PPFIA4: variants seen among roughly 807,000 people sequenced by gnomAD.
PPFIA4 encodes PPFI scaffold protein A4, also known as liprin-alpha-4.
In PPFIA4, 98 loss-of-function variants were observed where a neutral mutation model predicts 145.7. That is an observed-to-expected ratio of 0.67 (90% confidence interval 0.57 to 0.80). The LOEUF (loss-of-function observed/expected upper bound fraction) is 0.80, where lower values mean the gene tolerates loss of function less well. Ranked by LOEUF, PPFIA4 falls within the 30% of genes least tolerant of loss-of-function variation. The pLI is 0.00. For synonymous variants in PPFIA4, 628 were observed against 649.6 expected, an observed-to-expected ratio of 0.97 and a Z score of 0.51; for missense variants, 1,457 against 1,632.7, an observed-to-expected ratio of 0.89 and a Z score of 1.85.
At chr1:203,035,258 G>C in intron 1 of PPFIA4, 2 of 456,616 alleles carry the variant, frequency 4.4e-6, no homozygotes, top group Non-Finnish European at 8.8e-6. Flanking sequence ...CCCGGGCTGT[G>C]GTCTCCGCAG....
intron 12 of PPFIA4, 127 bp from the exon 13 acceptor site, chr1:203,049,549 C>A: frequency 1.2e-6 from 1 of 821,896 alleles, no homozygotes; most frequent in Non-Finnish European, 1.8e-6. Context: ...TGGCTTTGGA[C>A]TTTGCAGTAC....
chr1:203,061,785 C>A, intron 24 of PPFIA4, 107 bp downstream of exon 24: 6 of 1,217,608 alleles, frequency 4.9e-6, no homozygotes, highest in South Asian at 1.5e-5. Context: ...ATATGAAAAG[C>A]CCTGGACATA....
At chr1:203,031,267 A>T (rs1190445150) in intron 1 of PPFIA4, among the ~76,000 whole-genome samples, 1 of 152,226 alleles carries the variant, frequency 6.6e-6, no homozygotes, top group African/African-American at 2.4e-5. Context: ...CATGTTGCCC[A>T]GGCTGGTTTC....
At chr1:203,073,191 T>A (rs1426743470) in intron 28 of PPFIA4, among the ~76,000 whole-genome samples, 1 of 152,102 alleles carries the variant, frequency 6.6e-6, no homozygotes, top group Non-Finnish European at 1.5e-5. Context: ...ATGAGATAGG[T>A]TATGATGCCC....
intron 23 of PPFIA4, 165 bp from the exon 24 acceptor site, chr1:203,061,487 C>A: frequency 1.5e-6 from 1 of 666,054 alleles, no homozygotes; most frequent in Non-Finnish European, 2.5e-6. Context: ...CATGGGTGCA[C>A]ACACCAACCT....
In PPFIA4 at chr1:203,056,844, C is replaced by T. The variant is rs934494881; in HGVS notation, c.2301C>T (p.His767=). ...SSSNSSQDSL[H]KGAKRKGIKS... Reference sequence around the variant, plus strand: ...GCAACAGCAGCCAGGACTCCCTGCACAAGGGCGCCAAGCGCAAGGGCATCA... The same window carrying T: ...GCAACAGCAGCCAGGACTCCCTGCATAAGGGCGCCAAGCGCAAGGGCATCA... Residue 767 remains histidine, a synonymous_variant, in exon 19 of 30, where the codon CAC becomes CAT. Coordinates refer to ENST00000295706, the MANE Select transcript of PPFIA4 (RefSeq NM_001304331.2). 2 of 1,613,946 alleles carry T rather than the reference C, an allele frequency of 1.2e-6. No homozygotes were observed. The highest frequency in any genetic ancestry group is 1.7e-6 in the Non-Finnish European group (2 of 1,179,900).
chr1:203,046,497 G>A lies in PPFIA4; in HGVS notation c.1140+115G>A, dbSNP rs1011810761. Reference sequence around the variant, plus strand: ...GCACTGGGCCAGGAGCCAGAAAACTGCTTCCCGCCGTGTGATTCCAGGGAG... The same window carrying A: ...GCACTGGGCCAGGAGCCAGAAAACTACTTCCCGCCGTGTGATTCCAGGGAG... On this transcript the variant is annotated intron_variant, in intron 9 of 29. Transcript: ENST00000295706. 9 of 1,265,620 alleles carry A rather than the reference G, an allele frequency of 7.1e-6. No homozygotes were observed. In the African/African-American group the frequency reaches 1.4e-4, roughly 19 times the overall value. The allele number at this position is 1,265,620 out of a possible 1,614,324, so 78.4% of individuals were successfully genotyped here.
In PPFIA4 at chr1:203,056,132, A is replaced by C; in HGVS notation, c.2083A>C (p.Arg695=). Reference sequence around the variant, plus strand: ...CTCTCTCTTGCAGCCCAGTGACTTAAGAAAGCATAGGAGGAAGCTGCTGGT... The same window carrying C: ...CTCTCTCTTGCAGCCCAGTGACTTACGAAAGCATAGGAGGAAGCTGCTGGT... The part of the protein sequence containing the change: ...MGVMTLPSDL[R]KHRRKLLSPV... The change falls in exon 17 of 30, where the codon AGA becomes CGA. Residue 695 remains arginine, a synonymous_variant. Transcript: ENST00000295706. 1 of 1,613,998 alleles carries C rather than the reference A, an allele frequency of 6.2e-7. No individual in the cohort carries two copies. The highest frequency in any genetic ancestry group is 8.5e-7 in the Non-Finnish European group (1 of 1,179,866).
rs774170847 is a variant in PPFIA4 at position 203,055,458 on chromosome 1, C to T, written c.1856C>T (p.Thr619Met). Residue 619 changes from threonine to methionine, a missense_variant, in exon 16 of 30, where the codon ACG becomes ATG. Around this residue, in one of 3 missense-constraint regions of PPFIA4, gnomAD observed 848 missense variants for 1,046.7 expected, o/e 0.81. Transcript: ENST00000295706. This position sits in a 1 kb window ranked among gnomAD's most constrained non-coding sequence, Gnocchi z 4.8. ...ATGATTCAGGAAGAGAAGGAGTCCA[C>T]GGAGCTCCGCGCGGAGGAGATTGAG... ...IRMIQEEKES[T>M]ELRAEEIETR... 54 of 1,613,844 alleles carry T rather than the reference C, an allele frequency of 3.3e-5. No individual in the cohort carries two copies. Among genetic ancestry groups the T allele is most frequent in the Non-Finnish European group, 4.3e-5 (51 of 1,179,892 alleles).
Position 203,045,331 on chromosome 1 carries a change from GCTGTGACTCACAGAGCTA to G in PPFIA4, c.667-32_667-15del. 1 of 1,507,376 alleles carries G rather than the reference GCTGTGACTCACAGAGCTA, an allele frequency of 6.6e-7. No individual in the cohort carries two copies. The highest frequency in any genetic ancestry group is 8.9e-7 in the Non-Finnish European group (1 of 1,124,070). The allele number at this position is 1,507,376 out of a possible 1,614,324, so 93.4% of individuals were successfully genotyped here. A position where few individuals can be genotyped will look rare whatever the true frequency, so the allele number is the denominator to read the frequency against. On this transcript the variant is annotated intron_variant, in intron 6 of 29. Coordinates refer to ENST00000295706, the MANE Select transcript of PPFIA4 (RefSeq NM_001304331.2). ...AGGGGAGTGGGGTGGGTGGGATGCT[GCTGTGACTCACAGAGCTA>G]CTGTCCCTATCCCTGGAGGAGGATA... is the stretch of plus-strand genomic sequence containing the variant.
intron 24 of PPFIA4, among the ~76,000 whole-genome samples, chr1:203,062,679 G>C (rs939517093): frequency 3.3e-5 from 5 of 152,140 alleles, no homozygotes; most frequent in South Asian, 2.1e-4. Context: ...GATGGGTCGG[G>C]GGGGATCCGA....
chr1:203,043,334 C>T lies in PPFIA4; in HGVS notation c.235-63C>T. 2.1e-6 allele frequency: 3 copies of T among 1,420,058 alleles called. No homozygotes were observed. The highest frequency in any genetic ancestry group is 2.9e-6 in the Non-Finnish European group (3 of 1,026,308). 88.0% of individuals were successfully genotyped at this position (1,420,058 alleles called of 1,614,324 possible). On this transcript the variant is annotated intron_variant, in intron 2 of 29. Transcript: ENST00000295706. The surrounding 1 kb of genome is among the most constrained non-coding windows in gnomAD (Gnocchi z 4.4). ...GTGAGAGGATCCCACCACTGACTTG[C>T]ATGTGCAGGACACTGCTTTGGGGGT...
At chr1:203,027,832 A>G (rs577871127) in intron 1 of PPFIA4, among the ~76,000 whole-genome samples, 2 of 152,304 alleles carry the variant, frequency 1.3e-5, no homozygotes, top group South Asian at 2.1e-4. Context: ...GCCCATCCCC[A>G]TTCTGTTACA....
intron 1 of PPFIA4, chr1:203,034,928 G>A: frequency 1.2e-5 from 4 of 347,398 alleles, no homozygotes; most frequent in South Asian, 8.5e-5. Context: ...TTGGTTACAT[G>A]ACGTTGCATC....
intron 21 of PPFIA4, 38 bp downstream of exon 21, chr1:203,059,889 A>T (rs2270546): frequency 6.5e-7 from 1 of 1,535,468 alleles, no homozygotes; most frequent in Non-Finnish European, 8.9e-7. Flanking sequence ...AGGGGTCTGG[A>T]GGGAAGGATG....
intron 2 of PPFIA4, among the ~76,000 whole-genome samples, chr1:203,040,322 G>T (rs190426787): frequency 4.1e-4 from 63 of 152,348 alleles, no homozygotes; most frequent in Non-Finnish European, 8.1e-4. Context: ...TGGGGGCGCT[G>T]CTGGGGTTGG....
chr1:203,069,141 T>C (rs1462414559), intron 27 of PPFIA4, among the ~76,000 whole-genome samples: 7 of 152,194 alleles, frequency 4.6e-5, no homozygotes, highest in Non-Finnish European at 5.9e-5. Flanking sequence ...GGGCTTTGGC[T>C]CTCTGTCAAC....
chr1:203,042,455 A>G (rs1659763370), intron 2 of PPFIA4, among the ~76,000 whole-genome samples: 1 of 152,172 alleles, frequency 6.6e-6, no homozygotes, highest in Admixed American at 6.5e-5. Context: ...CAGGGCTCCT[A>G]GAAAGCCTGA....
chr1:203,055,741 T>C lies in PPFIA4; in HGVS notation c.2070+69T>C. 6.3e-7 allele frequency: 1 copy of C among 1,595,500 alleles called. No individual in the cohort carries two copies. The highest frequency in any genetic ancestry group is 2.2e-5 in the East Asian group (1 of 44,552). ...CACCGGGGGAGGTTTTAAGGGATGG[T>C]AGGACTCACGTGCTCTCAGCTGGGC... On this transcript the variant is annotated intron_variant, in intron 16 of 29. Coordinates refer to ENST00000295706, the MANE Select transcript of PPFIA4 (RefSeq NM_001304331.2). This position sits in a 1 kb window ranked among gnomAD's most constrained non-coding sequence, Gnocchi z 4.8.
Sources: gnomAD v4.1 joint callset for allele counts (sites outside exome capture counted in the v4.1 genomes callset) on GRCh38, gnomAD v4.1.1 for gene constraint, gnomAD v4.1.1 regional missense constraint, Gnocchi (gnomAD v3.1) non-coding constraint, MANE v1.5 for transcripts, NCBI Gene and HGNC (gene_info 2026-07-23, HGNC 2026-07-21) for gene names.